MGAT5: variants seen among roughly 807,000 people sequenced by gnomAD.
MGAT5 encodes alpha-1,6-mannosylglycoprotein 6-beta-N-acetylglucosaminyltransferase A.
Under a neutral mutation model 94.3 loss-of-function variants are expected in MGAT5, and 30 were observed. The observed-to-expected ratio is 0.32, with a 90% CI of 0.24 to 0.43. The LOEUF is 0.43. MGAT5 is among the 20% of genes least tolerant of loss of function. MGAT5 has a pLI of 1.00. For synonymous variants in MGAT5, 310 were observed against 322.9 expected, an observed-to-expected ratio of 0.96 and a Z score of 0.43; for missense variants, 691 against 905.5, an observed-to-expected ratio of 0.76 and a Z score of 3.04.
At chr2:134,270,929 TA>T (rs1208620835) in intron 2 of MGAT5, among the ~76,000 whole-genome samples, 1 of 152,214 alleles carries the variant, frequency 6.6e-6, no homozygotes, top group African/African-American at 2.4e-5. Context: ...CTGTTACGTA[TA>T]ATAGGTTCTC....
intron 1 of MGAT5, among the ~76,000 whole-genome samples, chr2:134,256,967 C>G (rs947122172): frequency 2.6e-5 from 4 of 152,054 alleles, no homozygotes; most frequent in African/African-American, 9.7e-5. Context: ...TGGTGAGATC[C>G]TACTAAGACA....
intron 1 of MGAT5, among the ~76,000 whole-genome samples, chr2:134,170,466 A>G (rs578064093): frequency 6.6e-6 from 1 of 152,346 alleles, no homozygotes; most frequent in South Asian, 2.1e-4. Context: ...GCCCAAGTGT[A>G]CAAACCTCTG....
chr2:134,224,238 T>G (rs946051060), intron 1 of MGAT5, among the ~76,000 whole-genome samples: 1 of 152,176 alleles, frequency 6.6e-6, no homozygotes, highest in African/African-American at 2.4e-5. Context: ...TTAGCAGGCG[T>G]TTCATGATCT....
At chr2:134,331,894 C>T (rs942690118) in intron 4 of MGAT5, among the ~76,000 whole-genome samples, 1 of 151,878 alleles carries the variant, frequency 6.6e-6, no homozygotes, top group Non-Finnish European at 1.5e-5. Flanking sequence ...AACTACAAAC[C>T]ACTGCTCAAT....
At chr2:134,360,465 C>G (rs1219080862) in intron 9 of MGAT5, among the ~76,000 whole-genome samples, 2 of 151,948 alleles carry the variant, frequency 1.3e-5, no homozygotes, top group Non-Finnish European at 2.9e-5. Flanking sequence ...AAGTGCCTAC[C>G]TAGGGACTAA....
chr2:134,160,253 A>G (rs1687669589), intron 1 of MGAT5, among the ~76,000 whole-genome samples: 1 of 152,138 alleles, frequency 6.6e-6, no homozygotes, highest in Non-Finnish European at 1.5e-5. Context: ...GGCTCACTGC[A>G]AGCTCCGCTT....
intron 10 of MGAT5, among the ~76,000 whole-genome samples, chr2:134,394,342 C>A (rs1171329979): frequency 6.6e-6 from 1 of 152,074 alleles, no homozygotes; most frequent in Admixed American, 6.5e-5. Flanking sequence ...TGAAAAAAAA[C>A]TTTTTGAAAT....
Position 134,344,827 on chromosome 2 carries a change from G to T in MGAT5, c.978-103G>T. ...AGGGCCATGCTGTCATCTCTAAAAA[G>T]GATTTTTGGGGTGGCATTTGCCCAT... is the stretch of plus-strand genomic sequence containing the variant. On this transcript the variant is annotated intron_variant, in intron 7 of 15. Coordinates refer to ENST00000281923, the MANE Select transcript of MGAT5 (RefSeq NM_002410.5). 2.9e-6 allele frequency: 4 copies of T among 1,394,076 alleles called. No individual in the cohort carries two copies. In the East Asian group the frequency reaches 7.0e-5, roughly 24 times the overall value. The allele number at this position is 1,394,076 out of a possible 1,614,324, so 86.4% of individuals were successfully genotyped here. A position where few individuals can be genotyped will look rare whatever the true frequency, so the allele number is the denominator to read the frequency against.
At chr2:134,265,277 C>G (rs1000173887) in intron 1 of MGAT5, among the ~76,000 whole-genome samples, 1 of 152,170 alleles carries the variant, frequency 6.6e-6, no homozygotes, top group East Asian at 1.9e-4. Flanking sequence ...GATCTATAAA[C>G]CTTATTCCAC....
chr2:134,401,862 T>C (rs1040555825), intron 10 of MGAT5, among the ~76,000 whole-genome samples: 45 of 152,172 alleles, frequency 3.0e-4, no homozygotes, highest in African/African-American at 1.0e-3. Flanking sequence ...CTTGAAATGT[T>C]CCTCCTGAAG....
rs1687072216 is a variant in MGAT5 at position 134,317,625 on chromosome 2, C to T, written c.483+20C>T. 6.8e-7 allele frequency: 1 copy of T among 1,480,426 alleles called. No homozygotes were observed. The highest frequency in any genetic ancestry group is 9.1e-7 in the Non-Finnish European group (1 of 1,104,606). 91.7% of individuals were successfully genotyped at this position (1,480,426 alleles called of 1,614,324 possible). On this transcript the variant is annotated intron_variant, in intron 3 of 15. Coordinates refer to ENST00000281923, the MANE Select transcript of MGAT5 (RefSeq NM_002410.5). ...ATCAAGGTAAGGCAGAGGCAAGCAT[C>T]ATCCCCAATCTGCACAAACACCCCT... is the stretch of plus-strand genomic sequence containing the variant.
intron 2 of MGAT5, among the ~76,000 whole-genome samples, chr2:134,306,423 T>A (rs1363188762): frequency 6.6e-6 from 1 of 152,200 alleles, no homozygotes; most frequent in Non-Finnish European, 1.5e-5. Flanking sequence ...AGCATTTTTG[T>A]CGTTGACTAT....
chr2:134,427,868 G>A (rs992365869), intron 13 of MGAT5, among the ~76,000 whole-genome samples: 8 of 152,190 alleles, frequency 5.3e-5, no homozygotes, highest in African/African-American at 9.7e-5. Flanking sequence ...TCACTGTCAC[G>A]GATCCTTCAG....
At chr2:134,299,672 CT>C (rs1381963388) in intron 2 of MGAT5, among the ~76,000 whole-genome samples, 2 of 152,248 alleles carry the variant, frequency 1.3e-5, no homozygotes, top group East Asian at 1.9e-4. Flanking sequence ...TATTTATCCC[CT>C]GTCCCCTCTT....
chr2:134,424,434 C>T (rs75396376), intron 13 of MGAT5, among the ~76,000 whole-genome samples: 3,484 of 152,256 alleles, frequency 0.023, 86 homozygotes, highest in East Asian at 0.14. Flanking sequence ...CATACAATCC[C>T]AATCCCAGTT....
chr2:134,174,263 A>T (rs539819117), intron 1 of MGAT5, among the ~76,000 whole-genome samples: 2 of 152,384 alleles, frequency 1.3e-5, no homozygotes, highest in African/African-American at 4.8e-5. Flanking sequence ...GAAGAGAAAG[A>T]TGCCATGTTC....
chr2:134,180,224 T>C (rs1044869857), intron 1 of MGAT5, among the ~76,000 whole-genome samples: 3 of 152,246 alleles, frequency 2.0e-5, no homozygotes, highest in African/African-American at 7.2e-5. Context: ...GCCATTCTTT[T>C]GTTTCTTCTC....
intron 11 of MGAT5, among the ~76,000 whole-genome samples, chr2:134,406,370 C>T (rs1683332194): frequency 6.6e-6 from 1 of 152,186 alleles, no homozygotes; most frequent in South Asian, 2.1e-4. Context: ...CCCAGACCTC[C>T]ATTCATTCAC....
At chr2:134,429,705 T>C (rs777186929) in intron 14 of MGAT5, among the ~76,000 whole-genome samples, 1 of 152,246 alleles carries the variant, frequency 6.6e-6, no homozygotes, top group Non-Finnish European at 1.5e-5. Flanking sequence ...CTTTGTAGTA[T>C]AATTATTTGG....
Sources: allele counts gnomAD v4.1 joint callset (sites outside exome capture counted in the v4.1 genomes callset), GRCh38; gene constraint gnomAD v4.1.1; transcripts MANE v1.5; gene names NCBI Gene and HGNC (gene_info 2026-07-23, HGNC 2026-07-21).